ADGRL3: variants seen among roughly 807,000 people sequenced by gnomAD.
ADGRL3 encodes the protein calcium-independent alpha-latrotoxin receptor 3.
Under a neutral mutation model 153.5 loss-of-function variants are expected in ADGRL3, and 62 were observed. The observed-to-expected ratio is 0.40, with a 90% CI of 0.33 to 0.50. ADGRL3 has a LOEUF of 0.50. Among genes scored for constraint, ADGRL3 ranks in the 20% least tolerant of loss-of-function variants. ADGRL3 has a pLI of 0.47. For missense variants in ADGRL3, 1,641 were observed against 1,859.4 expected, an observed-to-expected ratio of 0.88 and a Z score of 2.16; for synonymous variants, 710 against 672.5, an observed-to-expected ratio of 1.06 and a Z score of -0.86.
At chr4:61,351,633 A>C (rs764225986) in intron 1 of ADGRL3, among the ~76,000 whole-genome samples, 6 of 152,128 alleles carry the variant, frequency 3.9e-5, no homozygotes, top group African/African-American at 9.7e-5. Context: ...GGCCCTTAGG[A>C]ATTATGCTAA....
chr4:61,503,250 C>T lies in ADGRL3; in HGVS notation c.55+5902C>T, dbSNP rs147558518. ...GCTTTTGTACTTGCAAAAGGTGTTA[C>T]GTATGAATTTAATTGTAGTAATAAT... is the stretch of plus-strand genomic sequence containing the variant. On this transcript the variant is annotated intron_variant, in intron 3 of 26. Transcript: ENST00000683033. 7.2e-5 allele frequency among the ~76,000 whole-genome samples: 11 copies of T among 151,746 alleles called. No individual in the cohort carries two copies. The East Asian group carries it at 1.2e-3, about 16-fold the overall frequency.
intron 5 of ADGRL3, among the ~76,000 whole-genome samples, chr4:61,657,516 T>C (rs1021887963): frequency 2.6e-5 from 4 of 152,156 alleles, no homozygotes; most frequent in Non-Finnish European, 5.9e-5. Flanking sequence ...ATAGGTATTG[T>C]TCTCTCTATA....
chr4:61,808,305 A>G (rs181992407), intron 8 of ADGRL3, among the ~76,000 whole-genome samples: 2 of 152,286 alleles, frequency 1.3e-5, no homozygotes, highest in African/African-American at 4.8e-5. Flanking sequence ...ATACACAGAC[A>G]AACACATAGT....
intron 8 of ADGRL3, among the ~76,000 whole-genome samples, chr4:61,761,795 G>A (rs2152203464): frequency 6.6e-6 from 1 of 152,228 alleles, no homozygotes; most frequent in East Asian, 1.9e-4. Context: ...TGGGTGTGGT[G>A]GCACATACCT....
chr4:61,338,185 C>T (rs891864960), intron 1 of ADGRL3, among the ~76,000 whole-genome samples: 4 of 151,600 alleles, frequency 2.6e-5, no homozygotes, highest in South Asian at 2.1e-4. Flanking sequence ...GCGAGAGGAT[C>T]GCTTGAACCT....
intron 1 of ADGRL3, among the ~76,000 whole-genome samples, chr4:61,289,471 T>A (rs1449149653): frequency 6.6e-6 from 1 of 152,032 alleles, no homozygotes; most frequent in Non-Finnish European, 1.5e-5. Context: ...CGTAGTAGAT[T>A]ATAGGAATAT....
At chr4:61,671,579 C>T (rs4860423) in intron 5 of ADGRL3, among the ~76,000 whole-genome samples, 53,808 of 151,922 alleles carry the variant, frequency 0.35, 10,021 homozygotes, top group East Asian at 0.53. Context: ...AAATATGCAT[C>T]ATATTATTAC....
At chr4:61,903,063 A>G (rs1229956051) in intron 11 of ADGRL3, among the ~76,000 whole-genome samples, 2 of 152,334 alleles carry the variant, frequency 1.3e-5, no homozygotes, top group Non-Finnish European at 1.5e-5. Context: ...GGAGATAGCT[A>G]GACACAAACA....
intron 6 of ADGRL3, among the ~76,000 whole-genome samples, chr4:61,683,436 G>A (rs1458285374): frequency 1.3e-5 from 2 of 152,102 alleles, no homozygotes; most frequent in Non-Finnish European, 2.9e-5. Flanking sequence ...CAAAAGGAAA[G>A]CTCTCAGCAA....
chr4:61,651,762 C>T (rs1398961460), intron 5 of ADGRL3, among the ~76,000 whole-genome samples: 1 of 150,384 alleles, frequency 6.6e-6, no homozygotes, highest in East Asian at 2.0e-4. Flanking sequence ...CTCATGCCAC[C>T]AGGCCCAGCT....
intron 21 of ADGRL3, among the ~76,000 whole-genome samples, chr4:62,001,118 A>G (rs2099138961): frequency 1.3e-5 from 2 of 152,138 alleles, no homozygotes; most frequent in African/African-American, 4.8e-5. Context: ...TTATGAATAT[A>G]GATATATTGT....
In ADGRL3 at chr4:61,779,633, C is replaced by CAA. The variant is rs1174232668; in HGVS notation, c.1400-34150_1400-34149dup. Among the ~76,000 whole-genome samples, 177 of 42,022 alleles carry CAA rather than the reference C, an allele frequency of 4.2e-3. 7 individuals are homozygous for CAA. The highest frequency in any genetic ancestry group is 0.02 in the Middle Eastern group (1 of 50). 27.6% of individuals were successfully genotyped at this position (42,022 alleles called of 152,430 possible). ...TCGGTGCTGCAGTAAGACTCTGTCT[C>CAA]AAAAAAAAAAAAAAAAAAAAAAAAA... is the stretch of plus-strand genomic sequence containing the variant. On this transcript the variant is annotated intron_variant, in intron 8 of 26. Coordinates refer to ENST00000683033, the MANE Select transcript of ADGRL3 (RefSeq NM_001387552.1).
intron 21 of ADGRL3, among the ~76,000 whole-genome samples, chr4:62,020,362 A>G (rs2099232404): frequency 6.6e-6 from 1 of 152,260 alleles, no homozygotes; most frequent in African/African-American, 2.4e-5. Context: ...TTTACATTCC[A>G]ATGACCCTAC....
intron 4 of ADGRL3, among the ~76,000 whole-genome samples, chr4:61,543,325 G>T (rs2098699450): frequency 6.6e-6 from 1 of 152,100 alleles, no homozygotes; most frequent in Non-Finnish European, 1.5e-5. Flanking sequence ...AAAAGTGGAA[G>T]CAGGAGGCAA....
chr4:61,629,735 A>C (rs2093043977), intron 5 of ADGRL3, among the ~76,000 whole-genome samples: 1 of 128,214 alleles, frequency 7.8e-6, no homozygotes, highest in African/African-American at 3.3e-5. Flanking sequence ...AAAAAAAAAA[A>C]AAAAAAAAAA....
At chr4:62,002,267 G>C (rs186016031) in intron 21 of ADGRL3, among the ~76,000 whole-genome samples, 1 of 145,722 alleles carries the variant, frequency 6.9e-6, no homozygotes, top group African/African-American at 2.6e-5. Flanking sequence ...TCTAGTTGCC[G>C]TTGTCTTTCT....
chr4:61,861,434 G>T (rs188584681), intron 9 of ADGRL3, among the ~76,000 whole-genome samples: 1 of 152,114 alleles, frequency 6.6e-6, no homozygotes, highest in African/African-American at 2.4e-5. Context: ...GGAATTAATG[G>T]GTTGGAAAAT....
chr4:61,322,483 A>C (rs2095379452), intron 1 of ADGRL3, among the ~76,000 whole-genome samples: 1 of 152,234 alleles, frequency 6.6e-6, no homozygotes, highest in Non-Finnish European at 1.5e-5. Context: ...ACCCTTCTGC[A>C]TATGAGCCTG....
At chr4:61,629,269 T>C (rs537336433) in intron 5 of ADGRL3, among the ~76,000 whole-genome samples, 17 of 152,284 alleles carry the variant, frequency 1.1e-4, no homozygotes, top group Non-Finnish European at 1.9e-4. Context: ...GTTTATCTTC[T>C]TGGCAATGTA....
Sources: gnomAD v4.1 joint callset for allele counts (sites outside exome capture counted in the v4.1 genomes callset) on GRCh38, gnomAD v4.1.1 for gene constraint, MANE v1.5 for transcripts, NCBI Gene and HGNC (gene_info 2026-07-23, HGNC 2026-07-21) for gene names.